ADAMTS17: variants seen among roughly 807,000 people sequenced by gnomAD.
ADAMTS17 encodes ADAM metallopeptidase with thrombospondin type 1 motif 17, also known as A disintegrin and metalloproteinase with thrombospondin motifs 17.
Under a neutral mutation model 141.5 loss-of-function variants are expected in ADAMTS17, and 113 were observed. The observed-to-expected ratio is 0.80, with a 90% CI of 0.69 to 0.93. ADAMTS17 has a LOEUF of 0.93. Among genes scored for constraint, ADAMTS17 ranks in the 40% least tolerant of loss-of-function variants. The pLI is 0.00. For missense variants in ADAMTS17, 1,659 were observed against 1,517.9 expected (o/e 1.09, Z -1.54); for synonymous variants, 768 against 630.6 (o/e 1.22, Z -3.27).
chr15:100,049,091 GGTCACTTGGTCATTTAAAGT>G, intron 17 of ADAMTS17, 99 bp from the exon 18 acceptor site: 1 of 1,559,830 alleles, frequency 6.4e-7, no homozygotes, highest in South Asian at 1.1e-5. Context: ...TGCTGCTGAT[GGTCACTTGGTCATTTAAAGT>G]GACTGCTGTA....
intron 4 of ADAMTS17, among the ~76,000 whole-genome samples, chr15:100,275,801 T>C (rs926499881): frequency 2.0e-5 from 3 of 151,414 alleles, no homozygotes; most frequent in Non-Finnish European, 4.4e-5. Flanking sequence ...GCTAATCTAA[T>C]ACATCAAAAC....
chr15:100,001,663 A>G (rs1178322527), intron 18 of ADAMTS17, among the ~76,000 whole-genome samples: 2 of 152,168 alleles, frequency 1.3e-5, no homozygotes, highest in East Asian at 3.9e-4. Flanking sequence ...ATGTGAACCT[A>G]CAAGTACTCC....
At chr15:100,064,680 C>G (rs2033387316) in intron 15 of ADAMTS17, among the ~76,000 whole-genome samples, 1 of 152,108 alleles carries the variant, frequency 6.6e-6, no homozygotes, top group Non-Finnish European at 1.5e-5. Flanking sequence ...TGTTTTTAAG[C>G]AGAGTAGGGG....
intron 8 of ADAMTS17, among the ~76,000 whole-genome samples, chr15:100,172,398 A>C (rs1164778556): frequency 2.0e-5 from 3 of 152,120 alleles, no homozygotes; most frequent in Non-Finnish European, 4.4e-5. Context: ...CTCCATTTTA[A>C]AGTTTAACTT....
At chr15:100,091,049 A>T (rs2035438586) in intron 15 of ADAMTS17, among the ~76,000 whole-genome samples, 1 of 148,634 alleles carries the variant, frequency 6.7e-6, no homozygotes, top group Non-Finnish European at 1.5e-5. Context: ...TGAAAAAGAC[A>T]GTCCCTGAAC....
chr15:100,187,319 C>G, intron 8 of ADAMTS17, among the ~76,000 whole-genome samples: 1 of 152,284 alleles, frequency 6.6e-6, no homozygotes, highest in African/African-American at 2.4e-5. Context: ...GGGTGCTCTT[C>G]GACTTTCTTT....
At chr15:100,063,496 G>C (rs2033277208) in intron 15 of ADAMTS17, 1 of 388,098 alleles carries the variant, frequency 2.6e-6, no homozygotes, top group Non-Finnish European at 5.1e-6. Flanking sequence ...CCACCATGGG[G>C]GTGGCTGCAT....
At chr15:100,074,391 T>C in intron 15 of ADAMTS17, among the ~76,000 whole-genome samples, 1 of 126,992 alleles carries the variant, frequency 7.9e-6, no homozygotes, top group Admixed American at 7.7e-5. Context: ...AATATAATCA[T>C]ATTAAAGACA....
At chr15:99,977,409 T>A (rs2060385425) in intron 20 of ADAMTS17, among the ~76,000 whole-genome samples, 1 of 74,372 alleles carries the variant, frequency 1.3e-5, no homozygotes, top group African/African-American at 6.6e-5. Flanking sequence ...TAATTTTTTT[T>A]TTTTTTTTTT....
intron 20 of ADAMTS17, among the ~76,000 whole-genome samples, chr15:99,976,759 G>C (rs941035981): frequency 6.6e-6 from 1 of 152,122 alleles, no homozygotes; most frequent in African/African-American, 2.4e-5. Flanking sequence ...GGATTTGTTA[G>C]CACCTTGATT....
chr15:100,099,358 C>T (rs78411613), intron 14 of ADAMTS17, among the ~76,000 whole-genome samples: 1,537 of 152,276 alleles, frequency 0.01, 36 homozygotes, highest in African/African-American at 0.034. Flanking sequence ...TTTCAGTCAG[C>T]GCAAGCAACT....
intron 4 of ADAMTS17, among the ~76,000 whole-genome samples, chr15:100,276,824 G>T (rs1406908499): frequency 6.6e-6 from 1 of 152,176 alleles, no homozygotes; most frequent in African/African-American, 2.4e-5. Context: ...CTAACGGAAA[G>T]CCCTTTTCTA....
chr15:100,210,185 C>G (rs907290301), intron 7 of ADAMTS17, among the ~76,000 whole-genome samples: 2 of 126,492 alleles, frequency 1.6e-5, no homozygotes, highest in Admixed American at 1.9e-4. Flanking sequence ...GAGCCGAGAT[C>G]GTGCCACTGC....
At chr15:100,074,975 C>G (rs897832720) in intron 15 of ADAMTS17, among the ~76,000 whole-genome samples, 19 of 152,140 alleles carry the variant, frequency 1.2e-4, no homozygotes, top group Non-Finnish European at 1.9e-4. Flanking sequence ...AACAGTGGAG[C>G]TGTATACTAT....
Position 100,281,409 on chromosome 15 carries a change from A to G in ADAMTS17, c.617-8T>C. On this transcript the variant is annotated splice_polypyrimidine_tract_variant and splice_region_variant and intron_variant, in intron 3 of 21. Transcript: ENST00000268070. ...ACGTCGGCTTCTTCTTTTCTAGAAA[A>G]TGATGGAAACATTTGTGCGGTCCTT... 1 of 1,611,774 alleles carries G rather than the reference A, an allele frequency of 6.2e-7. No individual in the cohort carries two copies. The highest frequency in any genetic ancestry group is 8.5e-7 in the Non-Finnish European group (1 of 1,179,670).
chr15:100,130,578 T>C (rs781749478), intron 12 of ADAMTS17, among the ~76,000 whole-genome samples: 25 of 152,138 alleles, frequency 1.6e-4, no homozygotes, highest in Non-Finnish European at 2.9e-4. Flanking sequence ...GCTGCTGGAG[T>C]CACCTGGGAA....
chr15:100,138,443 T>C (rs2038450414), intron 10 of ADAMTS17, among the ~76,000 whole-genome samples: 1 of 152,212 alleles, frequency 6.6e-6, no homozygotes, highest in African/African-American at 2.4e-5. Context: ...AGCAAGATAT[T>C]AACACTGTTG....
chr15:100,284,615 C>G (rs1290750749), intron 3 of ADAMTS17, among the ~76,000 whole-genome samples: 2 of 152,142 alleles, frequency 1.3e-5, no homozygotes, highest in Non-Finnish European at 2.9e-5. Context: ...TAGAGGGCAC[C>G]TTAGCCTTCT....
rs900925379 is a variant in ADAMTS17, at chr15:100,068,362, T to C, written c.2138-14308A>G. Among the ~76,000 whole-genome samples, 16 of 152,306 alleles carry C rather than the reference T, an allele frequency of 1.1e-4. 1 individual carries two copies. Among genetic ancestry groups the C allele is most frequent in the African/African-American group, 3.8e-4 (16 of 41,572 alleles). On this transcript the variant is annotated intron_variant, in intron 15 of 21. Transcript: ENST00000268070. Reference sequence around the variant, plus strand: ...CCAAACAAAAGGCAGCAGTAACCTCTGCAGACTTAAATGTCCCTTTCTGAC... The same window carrying C: ...CCAAACAAAAGGCAGCAGTAACCTCCGCAGACTTAAATGTCCCTTTCTGAC...
Sources: allele counts gnomAD v4.1 joint callset (sites outside exome capture counted in the v4.1 genomes callset), GRCh38; gene constraint gnomAD v4.1.1; transcripts MANE v1.5; gene names NCBI Gene and HGNC (gene_info 2026-07-23, HGNC 2026-07-21).